PIP5K1A: variants seen among roughly 807,000 people sequenced by gnomAD.
The protein encoded by PIP5K1A is phosphatidylinositol-4-phosphate 5-kinase type 1 alpha, also known as phosphatidylinositol 4-phosphate 5-kinase type-1 alpha.
In PIP5K1A, 46 loss-of-function variants were observed where a neutral mutation model predicts 72.9. The observed-to-expected ratio is 0.63, with a 90% CI of 0.50 to 0.81. The LOEUF is 0.81. Among genes scored for constraint, PIP5K1A ranks in the 30% least tolerant of loss-of-function variants. PIP5K1A has a pLI of 0.00. For missense variants in PIP5K1A, 458 were observed against 706.1 expected (o/e 0.65, Z 3.98); for synonymous variants, 228 against 255.1 (o/e 0.89, Z 1.01).
chr1:151,230,053 A>G (rs896039390), intron 4 of PIP5K1A, among the ~76,000 whole-genome samples: 1 of 152,116 alleles, frequency 6.6e-6, no homozygotes, highest in Non-Finnish European at 1.5e-5. Context: ...ACGCCACTGC[A>G]CTCCAGCCTG....
intron 3 of PIP5K1A, among the ~76,000 whole-genome samples, chr1:151,226,557 CA>C (rs1298928428): frequency 2.0e-5 from 3 of 151,160 alleles, no homozygotes; most frequent in African/African-American, 7.3e-5. Context: ...ACTAATAATA[CA>C]AAAAATTAGC....
intron 10 of PIP5K1A, 62 bp downstream of exon 10, chr1:151,238,327 CT>C (rs1383748329): frequency 2.7e-6 from 3 of 1,093,810 alleles, no homozygotes; most frequent in Non-Finnish European, 4.2e-6. Context: ...TCACGTTTCT[CT>C]TTTAGATAGG....
chr1:151,226,454 A>G (rs1294559817), intron 3 of PIP5K1A, among the ~76,000 whole-genome samples: 1 of 151,948 alleles, frequency 6.6e-6, no homozygotes, highest in Non-Finnish European at 1.5e-5. Context: ...CCTCACACCT[A>G]TAATCCCAGC....
chr1:151,216,386 G>A (rs984569129), intron 1 of PIP5K1A, among the ~76,000 whole-genome samples: 23 of 151,738 alleles, frequency 1.5e-4, no homozygotes, highest in African/African-American at 4.8e-4. Flanking sequence ...ACTTCTTGGA[G>A]TGGTAGTTCA....
At chr1:151,199,938 C>G (rs887815063) in intron 1 of PIP5K1A, among the ~76,000 whole-genome samples, 4 of 152,110 alleles carry the variant, frequency 2.6e-5, no homozygotes, top group Admixed American at 1.3e-4. Context: ...TTCGCACCCC[C>G]ACCCTTAGGG....
At chr1:151,242,018 C>G in intron 12 of PIP5K1A, 105 bp from the exon 13 acceptor site, 4 of 1,161,172 alleles carry the variant, frequency 3.4e-6, no homozygotes, top group Non-Finnish European at 5.0e-6. Context: ...ACTTTTCAGA[C>G]CAACTTTGGG....
At chr1:151,232,159 C>A in intron 5 of PIP5K1A, 89 bp from the exon 6 acceptor site, 2 of 857,316 alleles carry the variant, frequency 2.3e-6, no homozygotes, top group East Asian at 2.4e-5. Flanking sequence ...ACTCCCCCCA[C>A]CATGAGGTGA....
At chr1:151,204,475 C>A (rs1011398796) in intron 1 of PIP5K1A, among the ~76,000 whole-genome samples, 5 of 152,204 alleles carry the variant, frequency 3.3e-5, no homozygotes, top group African/African-American at 1.2e-4. Context: ...CCACGCCCGG[C>A]CTGTGGATGT....
At chr1:151,240,226 T>C (rs1379944286) in intron 12 of PIP5K1A, 187 bp downstream of exon 12, 6 of 571,332 alleles carry the variant, frequency 1.1e-5, no homozygotes, top group Admixed American at 3.5e-5. Flanking sequence ...AAGTTGCTGT[T>C]TCCCCCTTGG....
intron 1 of PIP5K1A, among the ~76,000 whole-genome samples, chr1:151,199,930 C>G (rs1684976676): frequency 6.6e-6 from 1 of 151,986 alleles, no homozygotes; most frequent in South Asian, 2.1e-4. Flanking sequence ...CTTCTCACTT[C>G]GCACCCCCAC....
chr1:151,215,238 A>T (rs1035225099), intron 1 of PIP5K1A, among the ~76,000 whole-genome samples: 1 of 150,464 alleles, frequency 6.6e-6, no homozygotes, highest in Non-Finnish European at 1.5e-5. Flanking sequence ...GGGTTTCTCC[A>T]TGTTGGTCAT....
intron 11 of PIP5K1A, among the ~76,000 whole-genome samples, chr1:151,239,500 G>A (rs372186930): frequency 7.9e-5 from 12 of 151,906 alleles, no homozygotes; most frequent in African/African-American, 2.9e-4. Flanking sequence ...TCAAACTCCT[G>A]ACCTCAAAGT....
At position 151,232,322 on chromosome 1, in the gene PIP5K1A, G is replaced by A. The variant is rs769285963; in HGVS notation, c.443G>A (p.Arg148His). The A allele has an allele frequency of 3.7e-6, 6 of 1,613,992 alleles. No homozygotes were observed. Among genetic ancestry groups the A allele is most frequent in the South Asian group, 2.2e-5 (2 of 91,080 alleles). ...AAGACCTATGCACCTGTTGCCTTCCGCTACTTCCGGGAGCTATTTGGTATC... is the reference window on the plus strand; with the variant it reads ...AAGACCTATGCACCTGTTGCCTTCCACTACTTCCGGGAGCTATTTGGTATC... The part of the protein sequence containing the change: ...RFKTYAPVAF[R>H]YFRELFGIRP... The change falls in exon 6 of 16, where the codon CGC becomes CAC. Residue 148 changes from arginine to histidine, a missense_variant. Arg to His is a conservative substitution (Grantham distance 29). Coordinates refer to ENST00000368888, the MANE Select transcript of PIP5K1A (RefSeq NM_001135638.2).
upstream of PIP5K1A, chr1:151,198,419 A>C (rs1572106589): frequency 7.8e-6 from 2 of 255,042 alleles, no homozygotes; most frequent in Non-Finnish European, 1.6e-5. Context: ...CACATCTTCC[A>C]CCCGTGGACT....
At chr1:151,238,287 A>G in intron 10 of PIP5K1A, 22 bp downstream of exon 10, 2 of 1,441,446 alleles carry the variant, frequency 1.4e-6, no homozygotes, top group East Asian at 2.3e-5. Flanking sequence ...ATGGATCCCA[A>G]ATTAAGAGAG....
chr1:151,198,964 A>AT lies in PIP5K1A; in HGVS notation c.-33_-32insT, dbSNP rs1684803110. 1 of 1,598,754 alleles carries AT rather than the reference A, an allele frequency of 6.3e-7. No individual in the cohort carries two copies. Among genetic ancestry groups the AT allele is most frequent in the Non-Finnish European group, 8.6e-7 (1 of 1,166,668 alleles). Reference sequence around the variant, plus strand: ...AAGAGGAAGAACCGGATTGAAAGAGAGCCAGGCCGCTGAGGGGGAGGGGGC... The same window carrying AT: ...AAGAGGAAGAACCGGATTGAAAGAGATGCCAGGCCGCTGAGGGGGAGGGGGC... On this transcript the variant is annotated 5_prime_UTR_variant, in exon 1 of 16. It adds an upstream start codon to the 5' untranslated region. Transcript: ENST00000368888.
intron 1 of PIP5K1A, among the ~76,000 whole-genome samples, chr1:151,217,854 A>G (rs1197110108): frequency 1.3e-5 from 2 of 151,852 alleles, no homozygotes; most frequent in African/African-American, 4.8e-5. Context: ...ATCTTAGCTC[A>G]CTGCAACCTC....
In PIP5K1A at chr1:151,235,612, G is replaced by T. The variant is rs587671807; in HGVS notation, c.940-946G>T. 7.3e-4 allele frequency among the ~76,000 whole-genome samples: 111 copies of T among 152,280 alleles called. 1 individual carries two copies. In the Middle Eastern group the frequency reaches 0.027, roughly 37 times the overall value. On this transcript the variant is annotated intron_variant, in intron 8 of 15. Transcript: ENST00000368888. ...ACTGAATTGAAGCTAGTCATACAAG[G>T]TCCTACCACAGATCTGTTCTGTCAC...
chr1:151,218,914 A>T (rs927219148), intron 1 of PIP5K1A, among the ~76,000 whole-genome samples: 1 of 151,040 alleles, frequency 6.6e-6, no homozygotes, highest in Non-Finnish European at 1.5e-5. Flanking sequence ...TGTGGGCTCT[A>T]GTTTTGCCTG....
Sources: allele counts gnomAD v4.1 joint callset (sites outside exome capture counted in the v4.1 genomes callset), GRCh38; gene constraint gnomAD v4.1.1; transcripts MANE v1.5; gene names NCBI Gene and HGNC (gene_info 2026-07-23, HGNC 2026-07-21).